The following ROR1 variants were observed in gnomAD, a reference collection of about 807,000 sequenced individuals.
ROR1 encodes the protein ROR family WNT receptor 1.
A neutral mutation model predicts 78.8 loss-of-function variants in ROR1; 19 were observed. The observed-to-expected ratio is 0.24, with a 90% CI of 0.17 to 0.35. ROR1 has a LOEUF of 0.35. Ranked by LOEUF, ROR1 falls within the 10% of genes least tolerant of loss-of-function variation. The pLI, the probability that ROR1 is intolerant of heterozygous loss-of-function variation, is 1.00. For synonymous variants in ROR1, 386 were observed against 433.6 expected (o/e 0.89, Z 1.36); for missense variants, 917 against 1,177.8 (o/e 0.78, Z 3.24).
chr1:64,035,470 G>T (rs1481483146), intron 2 of ROR1, among the ~76,000 whole-genome samples: 2 of 152,080 alleles, frequency 1.3e-5, no homozygotes, highest in Admixed American at 6.6e-5. Flanking sequence ...CATCATGAGG[G>T]GCCTTCAGCA....
chr1:64,098,810 AG>A (rs1647404363), intron 4 of ROR1, among the ~76,000 whole-genome samples: 1 of 152,216 alleles, frequency 6.6e-6, no homozygotes, highest in Non-Finnish European at 1.5e-5. Flanking sequence ...TTTAGACTTC[AG>A]GACTTCATCA....
At chr1:64,162,949 A>G (rs1649985588) in intron 8 of ROR1, among the ~76,000 whole-genome samples, 1 of 151,994 alleles carries the variant, frequency 6.6e-6, no homozygotes, top group South Asian at 2.1e-4. Context: ...TGCTTGGGTA[A>G]GGGAGAGAAG....
intron 1 of ROR1, among the ~76,000 whole-genome samples, chr1:63,930,836 G>C (rs1425911025): frequency 6.6e-6 from 1 of 152,112 alleles, no homozygotes; most frequent in East Asian, 1.9e-4. Context: ...TTCCTAATTA[G>C]TGTACTTGAA....
intron 1 of ROR1, among the ~76,000 whole-genome samples, chr1:63,801,946 A>G (rs1644800217): frequency 6.6e-6 from 1 of 152,198 alleles, no homozygotes. Context: ...TAGAAGCTGA[A>G]AGACACAAGT....
intron 4 of ROR1, among the ~76,000 whole-genome samples, chr1:64,098,574 G>A (rs1193492940): frequency 6.6e-6 from 1 of 152,100 alleles, no homozygotes; most frequent in African/African-American, 2.4e-5. Flanking sequence ...TGCAGACCTG[G>A]CTTTGGTATG....
At chr1:64,067,385 G>T (rs1448615982) in intron 4 of ROR1, among the ~76,000 whole-genome samples, 2 of 145,682 alleles carry the variant, frequency 1.4e-5, no homozygotes, top group Non-Finnish European at 3.0e-5. Context: ...GGCCTGTCGC[G>T]GTGGCTCACA....
chr1:64,169,220 C>G (rs1650171398), intron 8 of ROR1, among the ~76,000 whole-genome samples: 1 of 152,208 alleles, frequency 6.6e-6, no homozygotes, highest in Non-Finnish European at 1.5e-5. Context: ...CATCATTCCT[C>G]TGATGGGGTG....
At chr1:64,151,600 C>T (rs187940619) in intron 7 of ROR1, among the ~76,000 whole-genome samples, 3 of 151,830 alleles carry the variant, frequency 2.0e-5, no homozygotes, top group Admixed American at 6.6e-5. Flanking sequence ...GGGCTGGGCT[C>T]GGTGGCTTAT....
At chr1:64,107,642 T>A (rs989055258) in intron 4 of ROR1, among the ~76,000 whole-genome samples, 13 of 151,058 alleles carry the variant, frequency 8.6e-5, no homozygotes, top group African/African-American at 3.2e-4. Flanking sequence ...GTGCCAGAAA[T>A]TGAGTGCTTT....
rs981016612 is a variant in ROR1 at position 63,806,477 on chromosome 1, C to T, written c.91+31969C>T. On this transcript the variant is annotated intron_variant, in intron 1 of 8. Coordinates refer to ENST00000371079, the MANE Select transcript of ROR1 (RefSeq NM_005012.4). ...GGACTACAGGTGCCCGCCACCACGC[C>T]CTGCTAATTGTTTGTATTTTTAGTA... 5.9e-5 allele frequency among the ~76,000 whole-genome samples: 9 copies of T among 152,094 alleles called. No homozygotes were observed. The East Asian group carries it at 1.7e-3, about 29-fold the overall frequency.
At chr1:64,100,282 G>A (rs1423783999) in intron 4 of ROR1, among the ~76,000 whole-genome samples, 1 of 151,980 alleles carries the variant, frequency 6.6e-6, no homozygotes, top group Non-Finnish European at 1.5e-5. Flanking sequence ...AGGAGTTTGA[G>A]ACCAGCCTGG....
intron 4 of ROR1, among the ~76,000 whole-genome samples, chr1:64,131,252 G>A (rs570262882): frequency 1.8e-4 from 28 of 152,208 alleles, no homozygotes; most frequent in African/African-American, 6.5e-4. Context: ...GGGCTGGGGG[G>A]ATAAATTCAG....
At chr1:63,807,849 G>A (rs1393127096) in intron 1 of ROR1, among the ~76,000 whole-genome samples, 1 of 152,128 alleles carries the variant, frequency 6.6e-6, no homozygotes, top group Admixed American at 6.5e-5. Context: ...AAGATGCGTG[G>A]ACACTTTTCA....
At chr1:64,089,236 G>T (rs969137743) in intron 4 of ROR1, among the ~76,000 whole-genome samples, 11 of 150,810 alleles carry the variant, frequency 7.3e-5, no homozygotes, top group African/African-American at 2.4e-4. Flanking sequence ...TTGAGACATG[G>T]TCTCACTCTG....
At chr1:63,845,358 T>A (rs1645074302) in intron 1 of ROR1, among the ~76,000 whole-genome samples, 1 of 152,148 alleles carries the variant, frequency 6.6e-6, no homozygotes, top group Non-Finnish European at 1.5e-5. Context: ...ACTGAAATAT[T>A]TGGAAAATAC....
rs768596459 is a variant in ROR1, at chr1:64,178,747, T to A, written c.2706T>A (p.Phe902Leu). ...NHPGGMGITV[F>L]GNKSQKPYKI... The stretch of plus-strand genomic sequence containing the variant: ...CTGGTGGAATGGGTATCACCGTTTT[T>A]GGCAACAAATCTCAAAAACCCTACA... Residue 902 changes from phenylalanine to leucine, a missense_variant, in exon 9 of 9, where the codon TTT becomes TTA. Phe to Leu is a conservative substitution (Grantham distance 22). Coordinates refer to ENST00000371079, the MANE Select transcript of ROR1 (RefSeq NM_005012.4). This position sits in a 1 kb window ranked among gnomAD's most constrained non-coding sequence, Gnocchi z 4.3. The A allele has an allele frequency of 6.2e-7, 1 of 1,614,108 alleles. No homozygotes were observed. The highest frequency in any genetic ancestry group is 8.5e-7 in the Non-Finnish European group (1 of 1,180,022).
At chr1:64,064,007 C>T (rs1646937699) in intron 4 of ROR1, among the ~76,000 whole-genome samples, 1 of 152,200 alleles carries the variant, frequency 6.6e-6, no homozygotes, top group East Asian at 1.9e-4. Context: ...GGAGTTGCAG[C>T]AGCAGAAACT....
chr1:63,969,352 A>G (rs1646100570), intron 1 of ROR1, among the ~76,000 whole-genome samples: 1 of 152,108 alleles, frequency 6.6e-6, no homozygotes, highest in Admixed American at 6.5e-5. Flanking sequence ...CTTCTCTCAC[A>G]TTGTGCAATC....
At chr1:64,152,404 G>A (rs1199778766) in intron 7 of ROR1, among the ~76,000 whole-genome samples, 1 of 152,098 alleles carries the variant, frequency 6.6e-6, no homozygotes, top group Admixed American at 6.5e-5. Flanking sequence ...AGGTAGAAGA[G>A]GACCACGATG....
Sources: gnomAD v4.1 joint callset for allele counts (sites outside exome capture counted in the v4.1 genomes callset) on GRCh38, gnomAD v4.1.1 for gene constraint, Gnocchi (gnomAD v3.1) non-coding constraint, MANE v1.5 for transcripts, NCBI Gene and HGNC (gene_info 2026-07-23, HGNC 2026-07-21) for gene names.